Variants in PPP3R1 observed in about 807,000 individuals in gnomAD.
PPP3R1 encodes protein phosphatase 3 regulatory subunit B, alpha, also known as calcineurin subunit B type 1.
A neutral mutation model predicts 22.6 loss-of-function variants in PPP3R1; 5 were observed. That is an observed-to-expected ratio of 0.22 (90% CI 0.12 to 0.46). The LOEUF (loss-of-function observed/expected upper bound fraction) is 0.46. Among genes scored for constraint, PPP3R1 ranks in the 20% least tolerant of loss-of-function variants. PPP3R1 has a pLI of 0.99. For missense variants in PPP3R1, 61 were observed against 203.2 expected, an observed-to-expected ratio of 0.30 and a Z score of 4.25; for synonymous variants, 56 against 65.2, an observed-to-expected ratio of 0.86 and a Z score of 0.68.
intron 2 of PPP3R1, among the ~76,000 whole-genome samples, chr2:68,193,278 C>T (rs1195317288): frequency 6.6e-6 from 1 of 152,086 alleles, no homozygotes; most frequent in Non-Finnish European, 1.5e-5. Context: ...TCATCATTCC[C>T]ACATACCCCA....
intron 1 of PPP3R1, among the ~76,000 whole-genome samples, chr2:68,240,341 C>T (rs1413770554): frequency 2.6e-5 from 4 of 152,010 alleles, no homozygotes; most frequent in African/African-American, 9.7e-5. Flanking sequence ...GTTCTTAGAT[C>T]TGTTCTGATT....
intron 2 of PPP3R1, 59 bp downstream of exon 2, chr2:68,217,033 C>G: frequency 8.0e-7 from 1 of 1,245,278 alleles, no homozygotes; most frequent in Non-Finnish European, 1.1e-6. Context: ...CACACACACA[C>G]ACACACAGAG....
intron 2 of PPP3R1, among the ~76,000 whole-genome samples, chr2:68,190,394 G>A (rs947851384): frequency 3.8e-4 from 57 of 151,576 alleles, no homozygotes; most frequent in African/African-American, 1.3e-3. Context: ...GTGAAACCTC[G>A]TCTCCACTAA....
intron 2 of PPP3R1, among the ~76,000 whole-genome samples, chr2:68,199,638 T>G (rs993193605): frequency 6.6e-6 from 1 of 152,226 alleles, no homozygotes; most frequent in Non-Finnish European, 1.5e-5. Flanking sequence ...GGAAGTTCCC[T>G]TCTATTCCCA....
intron 5 of PPP3R1, among the ~76,000 whole-genome samples, chr2:68,181,594 C>T (rs1362715809): frequency 3.6e-5 from 5 of 137,754 alleles, no homozygotes; most frequent in South Asian, 2.3e-4. Context: ...TCACATTTTC[C>T]TTTTTTTTTT....
intron 2 of PPP3R1, among the ~76,000 whole-genome samples, chr2:68,214,382 G>A (rs540908253): frequency 2.0e-5 from 3 of 151,906 alleles, no homozygotes; most frequent in African/African-American, 4.8e-5. Context: ...TGCTAACTAC[G>A]CATCTATCAA....
At chr2:68,251,138 A>C (rs961264871) in intron 1 of PPP3R1, 1 of 152,278 alleles carries the variant, frequency 6.6e-6, no homozygotes. Flanking sequence ...ACAAAGAGGA[A>C]ACTAACGACT....
intron 2 of PPP3R1, among the ~76,000 whole-genome samples, chr2:68,198,355 A>G (rs565091287): frequency 1.4e-5 from 1 of 73,092 alleles, no homozygotes; most frequent in South Asian, 4.2e-4. Context: ...GTATATGCAT[A>G]TATATGTACA....
intron 1 of PPP3R1, among the ~76,000 whole-genome samples, chr2:68,226,897 T>C (rs545586687): frequency 1.3e-5 from 2 of 152,240 alleles, no homozygotes; most frequent in African/African-American, 4.8e-5. Flanking sequence ...CTTTTGATGC[T>C]CACTTTTTAT....
chr2:68,240,238 C>G (rs2103806904), intron 1 of PPP3R1, among the ~76,000 whole-genome samples: 1 of 152,286 alleles, frequency 6.6e-6, no homozygotes, highest in South Asian at 2.1e-4. Flanking sequence ...GACAAACGAC[C>G]TGTAACCAAT....
chr2:68,251,849 C>T (rs559471274), intron 1 of PPP3R1, among the ~76,000 whole-genome samples: 1 of 123,460 alleles, frequency 8.1e-6, no homozygotes, highest in Non-Finnish European at 1.7e-5. Flanking sequence ...GGACCGGCGG[C>T]GCGGGGGTGG....
rs928829226 is a variant in PPP3R1 at position 68,187,387 on chromosome 2, T to C, written c.221-73A>G. 4 of 1,262,136 alleles carry C rather than the reference T, an allele frequency of 3.2e-6. No homozygotes were observed. The African/African-American group carries it at 4.5e-5, about 14-fold the overall frequency. The allele number at this position is 1,262,136 out of a possible 1,614,324, so 78.2% of individuals were successfully genotyped here. A position where few individuals can be genotyped will look rare whatever the true frequency, so the allele number is the denominator to read the frequency against. ...ACACAAAAAACATATTTACCTTACA[T>C]ACCCACAAAAGGATATTTCCTTGCT... On this transcript the variant is annotated intron_variant, in intron 3 of 5. Coordinates refer to ENST00000234310, the MANE Select transcript of PPP3R1 (RefSeq NM_000945.4).
intron 1 of PPP3R1, among the ~76,000 whole-genome samples, chr2:68,243,047 A>C (rs1038096078): frequency 7.9e-5 from 12 of 152,218 alleles, no homozygotes; most frequent in African/African-American, 2.9e-4. Context: ...TCTCATCTAC[A>C]GGAATGTTTT....
chr2:68,239,140 AC>A (rs1256993886), intron 1 of PPP3R1, among the ~76,000 whole-genome samples: 3 of 152,228 alleles, frequency 2.0e-5, no homozygotes, highest in African/African-American at 7.2e-5. Context: ...TTGTTCCAAC[AC>A]AGATAAATAG....
At chr2:68,184,317 T>G (rs548828526) in intron 5 of PPP3R1, among the ~76,000 whole-genome samples, 46 of 152,362 alleles carry the variant, frequency 3.0e-4, no homozygotes, top group African/African-American at 1.1e-3. Context: ...TTTCTCAGAT[T>G]TCCAAGCTGA....
At chr2:68,195,142 T>C (rs990774440) in intron 2 of PPP3R1, among the ~76,000 whole-genome samples, 3 of 152,192 alleles carry the variant, frequency 2.0e-5, no homozygotes, top group African/African-American at 4.8e-5. Flanking sequence ...CCCACTTGGC[T>C]GAGGGGTATT....
At chr2:68,227,177 C>G (rs896561799) in intron 1 of PPP3R1, among the ~76,000 whole-genome samples, 1 of 151,954 alleles carries the variant, frequency 6.6e-6, no homozygotes, top group Admixed American at 6.6e-5. Flanking sequence ...CAAAGAGAAC[C>G]AAGTTTTTTC....
chr2:68,181,953 A>G (rs1055077201), intron 5 of PPP3R1, among the ~76,000 whole-genome samples: 1 of 152,072 alleles, frequency 6.6e-6, no homozygotes, highest in Admixed American at 6.5e-5. Flanking sequence ...ATTACATTTA[A>G]TCTACATAAA....
intron 1 of PPP3R1, among the ~76,000 whole-genome samples, chr2:68,220,894 G>A (rs1214028650): frequency 1.3e-5 from 2 of 152,166 alleles, no homozygotes; most frequent in Non-Finnish European, 2.9e-5. Context: ...GTTGCTGGGG[G>A]AGGAGGAATG....
Sources: gnomAD v4.1 joint callset for allele counts (sites outside exome capture counted in the v4.1 genomes callset) on GRCh38, gnomAD v4.1.1 for gene constraint, MANE v1.5 for transcripts, NCBI Gene and HGNC (gene_info 2026-07-23, HGNC 2026-07-21) for gene names.